The following NDST4 variants were observed in gnomAD, a reference collection of about 807,000 sequenced individuals.
NDST4 encodes the protein N-deacetylase and N-sulfotransferase 4.
Under a neutral mutation model 100.8 loss-of-function variants are expected in NDST4, and 63 were observed. That is an observed-to-expected ratio of 0.62 (90% CI 0.51 to 0.77). The LOEUF is 0.77. NDST4 is among the 30% of genes least tolerant of loss of function. The probability of loss-of-function intolerance (pLI) is 0.00; values close to 1 mark genes in which losing one functional copy is unlikely to be tolerated. For synonymous variants in NDST4, 377 were observed against 361.8 expected, an observed-to-expected ratio of 1.04 and a Z score of -0.48; for missense variants, 943 against 1,018.4, an observed-to-expected ratio of 0.93 and a Z score of 1.01.
At chr4:115,084,628 T>A (rs1246635851) in intron 1 of NDST4, among the ~76,000 whole-genome samples, 1 of 152,164 alleles carries the variant, frequency 6.6e-6, no homozygotes. Context: ...CAGCTGTGGA[T>A]AAAAGGGGCC....
intron 1 of NDST4, among the ~76,000 whole-genome samples, chr4:115,108,173 T>C (rs758243153): frequency 1.3e-5 from 2 of 152,128 alleles, no homozygotes; most frequent in Non-Finnish European, 2.9e-5. Context: ...AGGACTGTTA[T>C]ATGCATTCAC....
Position 114,917,097 on chromosome 4 carries a change from G to T in NDST4, c.1536+18109C>A, listed in dbSNP as rs547974521. Among the ~76,000 whole-genome samples the T allele has an allele frequency of 8.2e-4, 124 of 152,054 alleles. 1 individual carries two copies. Among genetic ancestry groups the T allele is most frequent in the African/African-American group, 2.8e-3 (118 of 41,484 alleles). ...CCTCACATAAAATCATTTGGTATTT[G>T]CATATAACCTATGCATATCCTCCCA... On this transcript the variant is annotated intron_variant, in intron 6 of 13. Transcript: ENST00000264363.
chr4:115,081,541 A>T (rs563820), intron 1 of NDST4, among the ~76,000 whole-genome samples: 12 of 152,004 alleles, frequency 7.9e-5, no homozygotes, highest in African/African-American at 2.4e-4. Context: ...AAGAATCTTA[A>T]GTCGTTACCA....
intron 2 of NDST4, among the ~76,000 whole-genome samples, chr4:115,016,503 C>T (rs1240431632): frequency 6.6e-6 from 1 of 152,028 alleles, no homozygotes; most frequent in Non-Finnish European, 1.5e-5. Flanking sequence ...GAAATACTTC[C>T]AACAGAAGAC....
intron 2 of NDST4, among the ~76,000 whole-genome samples, chr4:115,048,746 T>C (rs938992373): frequency 1.3e-5 from 2 of 152,108 alleles, no homozygotes; most frequent in Non-Finnish European, 2.9e-5. Context: ...CAAGCGATTC[T>C]CCTGTCTCAG....
chr4:114,978,001 A>G (rs185674478), intron 2 of NDST4, among the ~76,000 whole-genome samples: 216 of 152,144 alleles, frequency 1.4e-3, no homozygotes, highest in African/African-American at 5.0e-3. Flanking sequence ...AGAATTAGTT[A>G]TGTAAATTTG....
rs1219559355 is a variant in NDST4 at position 115,009,266 on chromosome 4, G to A, written c.979-31992C>T. 3.4e-4 allele frequency among the ~76,000 whole-genome samples: 44 copies of A among 129,082 alleles called. 12 individuals are homozygous for A. The highest frequency in any genetic ancestry group is 6.3e-4 in the Non-Finnish European group (38 of 60,296). The allele number at this position is 129,082 out of a possible 152,430, so 84.7% of individuals were successfully genotyped here. A position where few individuals can be genotyped will look rare whatever the true frequency, so the allele number is the denominator to read the frequency against. ...AAAAGAACAAAGCTGGAGGCATCACGCTACCTAACTTCATACTATACTACA... is the reference window on the plus strand; with the variant it reads ...AAAAGAACAAAGCTGGAGGCATCACACTACCTAACTTCATACTATACTACA... On this transcript the variant is annotated intron_variant, in intron 2 of 13. Transcript: ENST00000264363.
At chr4:114,835,487 T>C (rs866720490) in intron 11 of NDST4, among the ~76,000 whole-genome samples, 1 of 152,200 alleles carries the variant, frequency 6.6e-6, no homozygotes, top group South Asian at 2.1e-4. Flanking sequence ...AGAGACTGTT[T>C]GTTATGATTT....
intron 2 of NDST4, among the ~76,000 whole-genome samples, chr4:115,033,149 ATATATATATTT>A (rs1457188271): frequency 1.7e-5 from 2 of 116,064 alleles, no homozygotes; most frequent in African/African-American, 8.0e-5. Context: ...ATATATATAT[ATATATATATTT>A]TTTTTTTTTT....
chr4:114,946,588 GC>G (rs1173376041), intron 4 of NDST4, among the ~76,000 whole-genome samples: 3 of 152,174 alleles, frequency 2.0e-5, no homozygotes, highest in Non-Finnish European at 4.4e-5. Context: ...CACAGATGAA[GC>G]CTGGTCATTT....
chr4:115,031,048 C>G (rs982404678), intron 2 of NDST4, among the ~76,000 whole-genome samples: 1 of 152,106 alleles, frequency 6.6e-6, no homozygotes, highest in African/African-American at 2.4e-5. Context: ...TAGCTCATAA[C>G]TTTTCTGTTC....
At chr4:115,078,620 C>T (rs1480977279) in intron 1 of NDST4, among the ~76,000 whole-genome samples, 1 of 152,038 alleles carries the variant, frequency 6.6e-6, no homozygotes, top group Admixed American at 6.6e-5. Flanking sequence ...GTGGGTGGAT[C>T]ACGAGGTCAG....
At chr4:115,015,221 A>G (rs529734019) in intron 2 of NDST4, among the ~76,000 whole-genome samples, 1 of 152,190 alleles carries the variant, frequency 6.6e-6, no homozygotes, top group Admixed American at 6.6e-5. Flanking sequence ...ACCTGCACCT[A>G]TGGCCTCATT....
intron 2 of NDST4, among the ~76,000 whole-genome samples, chr4:114,996,870 T>C (rs918935704): frequency 3.3e-5 from 5 of 152,096 alleles, no homozygotes; most frequent in Middle Eastern, 3.2e-3. Flanking sequence ...GGTGGCCTCA[T>C]AGAGCAAAAC....
chr4:114,904,228 C>T (rs764116292), intron 6 of NDST4, among the ~76,000 whole-genome samples: 3 of 151,892 alleles, frequency 2.0e-5, no homozygotes, highest in Non-Finnish European at 2.9e-5. Flanking sequence ...AAGCAATATA[C>T]ATTTTTTAAC....
chr4:114,881,444 AC>A (rs1724365428), intron 6 of NDST4, among the ~76,000 whole-genome samples: 1 of 152,122 alleles, frequency 6.6e-6, no homozygotes, highest in Non-Finnish European at 1.5e-5. Context: ...TAAATAGAGA[AC>A]AATAAAGGGA....
chr4:114,836,727 A>T (rs1207416351), intron 11 of NDST4, among the ~76,000 whole-genome samples: 1 of 152,128 alleles, frequency 6.6e-6, no homozygotes, highest in Non-Finnish European at 1.5e-5. Context: ...ACTTGGTTCC[A>T]TTCTCCCTGT....
chr4:114,936,111 T>C (rs573240803), intron 5 of NDST4, among the ~76,000 whole-genome samples: 2 of 152,242 alleles, frequency 1.3e-5, no homozygotes, highest in East Asian at 1.9e-4. Flanking sequence ...TGAATGGTCA[T>C]TCAAGGCAAG....
intron 2 of NDST4, among the ~76,000 whole-genome samples, chr4:115,037,911 T>C (rs1488248121): frequency 1.3e-5 from 2 of 152,132 alleles, no homozygotes; most frequent in African/African-American, 2.4e-5. Flanking sequence ...GAAAGTGATA[T>C]GGCAAAATAA....
Sources: allele counts gnomAD v4.1 joint callset (sites outside exome capture counted in the v4.1 genomes callset), GRCh38; gene constraint gnomAD v4.1.1; transcripts MANE v1.5; gene names NCBI Gene and HGNC (gene_info 2026-07-23, HGNC 2026-07-21).